BARD1: variants seen among roughly 807,000 people sequenced by gnomAD.
BARD1 encodes the protein BRCA1-associated RING domain protein 1.
In BARD1, 73 loss-of-function variants were observed where a neutral mutation model predicts 77.0. The observed-to-expected ratio is 0.95, with a 90% CI of 0.79 to 1.15. The LOEUF is 1.15. BARD1 is among the 50% of genes most tolerant of loss of function. The probability of loss-of-function intolerance (pLI) is 0.00; values close to 1 mark genes in which losing one functional copy is unlikely to be tolerated. For synonymous variants in BARD1, 384 were observed against 338.0 expected (o/e 1.14, Z -1.49); for missense variants, 993 against 938.8 (o/e 1.06, Z -0.75).
chr2:214,793,335 C>A (rs1695616301), intron 2 of BARD1, among the ~76,000 whole-genome samples: 2 of 152,076 alleles, frequency 1.3e-5, no homozygotes, highest in African/African-American at 4.8e-5. Context: ...CAGAATGTAA[C>A]TCAAAAAAAA....
intron 3 of BARD1, among the ~76,000 whole-genome samples, chr2:214,790,640 A>G (rs1307708951): frequency 6.6e-6 from 1 of 152,300 alleles, no homozygotes; most frequent in East Asian, 1.9e-4. Context: ...CAGCAGTTCT[A>G]GCAAATGAAT....
At chr2:214,769,199 CAGAA>C (rs1559411763) in intron 5 of BARD1, 29 bp downstream of exon 5, 1 of 1,553,724 alleles carries the variant, frequency 6.4e-7, no homozygotes, top group Non-Finnish European at 8.9e-7. Context: ...CTGTAAAACA[CAGAA>C]AGAATGAGAA....
chr2:214,780,016 T>C (rs1694906205), intron 4 of BARD1, among the ~76,000 whole-genome samples: 1 of 152,122 alleles, frequency 6.6e-6, no homozygotes, highest in Admixed American at 6.6e-5. Context: ...TGAACGTCAA[T>C]GAACAGGTCA....
intron 1 of BARD1, among the ~76,000 whole-genome samples, chr2:214,798,772 G>GAAAAAA (rs10707828): frequency 7.8e-6 from 1 of 127,496 alleles, no homozygotes. Context: ...ATTAAAAAAA[G>GAAAAAA]AAAAAAAAAA....
intron 3 of BARD1, among the ~76,000 whole-genome samples, chr2:214,790,046 A>G (rs912268462): frequency 6.6e-6 from 1 of 152,146 alleles, no homozygotes; most frequent in Non-Finnish European, 1.5e-5. Context: ...ATCTTTAATG[A>G]TGAAATATGA....
At chr2:214,736,207 AGACTCAAAATTCTT>A (rs1692559284) in intron 9 of BARD1, among the ~76,000 whole-genome samples, 1 of 152,080 alleles carries the variant, frequency 6.6e-6, no homozygotes, top group Non-Finnish European at 1.5e-5. Context: ...ATTGAAAATG[AGACTCAAAATTCTT>A]GACTGGGTCA....
chr2:214,725,785 ACAAG>A lies in BARD1; in HGVS notation c.*2887_*2890del, dbSNP rs1692059250. ...TGGTGGCTTTTAGTAATTAAATAAGACAAGCATTAGTTCCTACCATTTTAATGTG... is the reference window on the plus strand; with the variant it reads ...TGGTGGCTTTTAGTAATTAAATAAGACATTAGTTCCTACCATTTTAATGTG... On this transcript the variant is annotated 3_prime_UTR_variant, in exon 11 of 11. Transcript: ENST00000260947. 1 of 144,494 alleles carries A rather than the reference ACAAG, an allele frequency of 6.9e-6. No homozygotes were observed. 9.0% of individuals were successfully genotyped at this position (144,494 alleles called of 1,614,324 possible). A position where few individuals can be genotyped will look rare whatever the true frequency, so the allele number is the denominator to read the frequency against.
intron 6 of BARD1, among the ~76,000 whole-genome samples, chr2:214,764,355 C>G (rs1694098254): frequency 6.6e-5 from 10 of 152,136 alleles, no homozygotes; most frequent in Admixed American, 6.6e-4. Context: ...AGTCCTACGA[C>G]TGGGGAGAAG....
chr2:214,749,336 T>C (rs1377119650), intron 7 of BARD1, among the ~76,000 whole-genome samples: 1 of 152,118 alleles, frequency 6.6e-6, no homozygotes, highest in Non-Finnish European at 1.5e-5. Context: ...TTCCAGAGGT[T>C]CCATCTTTAA....
Position 214,728,281 on chromosome 2 carries a change from T to TTAAA in BARD1, c.*394_*395insTTTA, listed in dbSNP as rs1276963470. ...AATTGTTTGATAATATTCTGTTTAC[T>TTAAA]AAAAAAAAAAAAAAAAAAAAGGCAA... On this transcript the variant is annotated 3_prime_UTR_variant, in exon 11 of 11. Transcript: ENST00000260947. The TTAAA allele has an allele frequency of 2.7e-5, 4 of 149,550 alleles. No homozygotes were observed. The highest frequency in any genetic ancestry group is 1.4e-4 in the African/African-American group (4 of 27,788). 9.3% of individuals were successfully genotyped at this position (149,550 alleles called of 1,614,324 possible).
chr2:214,750,853 C>G (rs575218704), intron 7 of BARD1, among the ~76,000 whole-genome samples: 1 of 151,852 alleles, frequency 6.6e-6, no homozygotes, highest in East Asian at 1.9e-4. Context: ...CTGAGGATGG[C>G]AAGGTAAAGA....
intron 5 of BARD1, among the ~76,000 whole-genome samples, chr2:214,768,050 CA>C (rs1694300278): frequency 6.6e-6 from 1 of 152,136 alleles, no homozygotes; most frequent in African/African-American, 2.4e-5. Flanking sequence ...TATCATGCAA[CA>C]AAGTAAGTAT....
At chr2:214,766,743 T>G (rs11896262) in intron 6 of BARD1, among the ~76,000 whole-genome samples, 1 of 151,932 alleles carries the variant, frequency 6.6e-6, no homozygotes, top group African/African-American at 2.4e-5. Context: ...TACCTAATAG[T>G]ATGAAATGCT....
At position 214,780,748 on chromosome 2, in the gene BARD1, A is replaced by G; in HGVS notation, c.1126T>C (p.Ser376Pro). Residue 376 changes from serine (S) to proline (P), a missense_variant, in exon 4 of 11, where the codon TCA becomes CCA. Transcript: ENST00000260947. ...GACATGTTACTGTTTTTCCTCCCTG[A>G]TGTACCACCAACTTTACGTTTGCAT... Reference protein sequence around the residue: ...PSCKRKVGGTSGRKNSNMSDE... With the variant: ...PSCKRKVGGTPGRKNSNMSDE... The G allele has an allele frequency of 6.2e-7, 1 of 1,614,042 alleles. No homozygotes were observed. The highest frequency in any genetic ancestry group is 1.1e-5 in the South Asian group (1 of 91,076).
At chr2:214,769,083 T>C (rs1424465928) in intron 5 of BARD1, 149 bp downstream of exon 5, 1 of 690,918 alleles carries the variant, frequency 1.4e-6, no homozygotes, top group African/African-American at 1.8e-5. Flanking sequence ...AGAAGGAAAG[T>C]AATCATGTTC....
intron 6 of BARD1, among the ~76,000 whole-genome samples, chr2:214,762,053 T>C (rs958336338): frequency 7.2e-5 from 11 of 152,192 alleles, no homozygotes; most frequent in Non-Finnish European, 1.5e-4. Flanking sequence ...AATCAAATAC[T>C]ATACAGGTTG....
At chr2:214,730,379 GAAC>G in intron 10 of BARD1, 29 bp downstream of exon 10, 1 of 1,560,804 alleles carries the variant, frequency 6.4e-7, no homozygotes. Context: ...GTCATAATAA[GAAC>G]AATGAAAGTT....
intron 3 of BARD1, among the ~76,000 whole-genome samples, chr2:214,791,951 G>A (rs1299730905): frequency 6.6e-6 from 1 of 151,958 alleles, no homozygotes; most frequent in Non-Finnish European, 1.5e-5. Context: ...TCACCTCTCT[G>A]GACCTTGATT....
At chr2:214,732,866 A>C (rs1042371589) in intron 9 of BARD1, among the ~76,000 whole-genome samples, 4 of 152,128 alleles carry the variant, frequency 2.6e-5, no homozygotes, top group African/African-American at 9.7e-5. Flanking sequence ...CAAAACTTCA[A>C]CTGTTTCCAG....
Sources: gnomAD v4.1 joint callset for allele counts (sites outside exome capture counted in the v4.1 genomes callset) on GRCh38, gnomAD v4.1.1 for gene constraint, MANE v1.5 for transcripts, NCBI Gene and HGNC (gene_info 2026-07-23, HGNC 2026-07-21) for gene names.